ATG10: variants seen among roughly 807,000 people sequenced by gnomAD.
ATG10 encodes autophagy related 10.
A neutral mutation model predicts 32.1 loss-of-function variants in ATG10; 30 were observed. The ratio of observed to expected loss-of-function variants is 0.94; its 90% CI spans 0.70 to 1.27. The LOEUF is 1.27. Ranked by LOEUF, ATG10 falls within the 50% of genes most tolerant of loss-of-function variation. The probability of loss-of-function intolerance (pLI) is 0.00; values close to 1 mark genes in which losing one functional copy is unlikely to be tolerated. For synonymous variants in ATG10, 87 were observed against 91.5 expected, an observed-to-expected ratio of 0.95 and a Z score of 0.28; for missense variants, 233 against 262.3, an observed-to-expected ratio of 0.89 and a Z score of 0.77.
chr5:82,071,049 T>TC (rs1005449497), intron 3 of ATG10, among the ~76,000 whole-genome samples: 1 of 152,094 alleles, frequency 6.6e-6, no homozygotes, highest in Non-Finnish European at 1.5e-5. Flanking sequence ...TATTTTTTAT[T>TC]CCCCCCTTTC....
intron 2 of ATG10, among the ~76,000 whole-genome samples, chr5:81,998,010 C>A (rs748363698): frequency 3.3e-5 from 5 of 152,132 alleles, no homozygotes; most frequent in Non-Finnish European, 5.9e-5. Flanking sequence ...GCTGGAGAGA[C>A]CAACACTGTA....
At chr5:82,067,809 G>A (rs903120075) in intron 3 of ATG10, among the ~76,000 whole-genome samples, 13 of 152,210 alleles carry the variant, frequency 8.5e-5, no homozygotes, top group Non-Finnish European at 1.5e-4. Context: ...GTAAAGATAC[G>A]TGCCACAGCC....
At chr5:82,140,143 G>A (rs1767024962) in intron 3 of ATG10, among the ~76,000 whole-genome samples, 1 of 114,088 alleles carries the variant, frequency 8.8e-6, no homozygotes, top group African/African-American at 3.4e-5. Flanking sequence ...CCCCTTCTGG[G>A]AAGTGAGGAG....
chr5:82,044,880 A>T (rs1435847321), intron 2 of ATG10, among the ~76,000 whole-genome samples: 1 of 152,088 alleles, frequency 6.6e-6, no homozygotes, highest in African/African-American at 2.4e-5. Flanking sequence ...TTAGTGAAAG[A>T]CTCACAAAAG....
chr5:82,170,639 T>A (rs1561338057), intron 4 of ATG10, among the ~76,000 whole-genome samples: 1 of 152,072 alleles, frequency 6.6e-6, no homozygotes, highest in Non-Finnish European at 1.5e-5. Context: ...CAGAATACTT[T>A]GGATAGGATT....
chr5:82,249,724 C>G (rs1371705502), intron 5 of ATG10, among the ~76,000 whole-genome samples: 2 of 152,158 alleles, frequency 1.3e-5, no homozygotes, highest in Non-Finnish European at 2.9e-5. Context: ...AACCATAGAG[C>G]TCATGCATGT....
intron 3 of ATG10, among the ~76,000 whole-genome samples, chr5:82,116,989 C>T (rs949281369): frequency 2.6e-5 from 4 of 152,198 alleles, no homozygotes; most frequent in Middle Eastern, 6.8e-3. Context: ...AACAGGCTCC[C>T]AAAGTCAATT....
intron 3 of ATG10, among the ~76,000 whole-genome samples, chr5:82,155,875 C>G (rs1439528423): frequency 1.3e-5 from 2 of 151,976 alleles, no homozygotes; most frequent in East Asian, 3.9e-4. Flanking sequence ...TTTGGCACTC[C>G]AAATTCCATT....
chr5:82,049,266 G>T, intron 2 of ATG10, among the ~76,000 whole-genome samples: 1 of 151,876 alleles, frequency 6.6e-6, no homozygotes, highest in Admixed American at 6.6e-5. Flanking sequence ...GATGAAATTG[G>T]AAATCATCAT....
intron 2 of ATG10, among the ~76,000 whole-genome samples, chr5:82,030,582 C>T (rs925601683): frequency 6.6e-6 from 1 of 152,162 alleles, no homozygotes; most frequent in African/African-American, 2.4e-5. Context: ...CTGATTCTGT[C>T]TTTCCTCATA....
intron 5 of ATG10, among the ~76,000 whole-genome samples, chr5:82,185,899 C>T (rs1038617905): frequency 3.9e-5 from 6 of 152,312 alleles, no homozygotes; most frequent in South Asian, 4.1e-4. Context: ...TTTTACACAA[C>T]ATCCGATAAC....
chr5:82,141,284 C>G (rs570666311), intron 3 of ATG10, among the ~76,000 whole-genome samples: 5 of 151,432 alleles, frequency 3.3e-5, no homozygotes, highest in African/African-American at 1.2e-4. Context: ...TAACTTGTTA[C>G]TTGAATTTTT....
At chr5:82,161,367 G>T (rs1362451713) in intron 3 of ATG10, among the ~76,000 whole-genome samples, 1 of 152,030 alleles carries the variant, frequency 6.6e-6, no homozygotes, top group Non-Finnish European at 1.5e-5. Context: ...CTTCTAACAG[G>T]ATTTTCAAGA....
intron 2 of ATG10, among the ~76,000 whole-genome samples, chr5:82,029,181 C>G (rs1366222584): frequency 6.6e-6 from 1 of 152,014 alleles, no homozygotes; most frequent in East Asian, 1.9e-4. Context: ...TTGAATTATC[C>G]AAATTCTGGT....
At chr5:82,139,782 C>G (rs1223434400) in intron 3 of ATG10, among the ~76,000 whole-genome samples, 2 of 136,758 alleles carry the variant, frequency 1.5e-5, no homozygotes, top group Admixed American at 1.4e-4. Flanking sequence ...CCCGGCCGCC[C>G]CTACTGGGAA....
At chr5:82,130,434 A>T (rs1766473450) in intron 3 of ATG10, among the ~76,000 whole-genome samples, 1 of 151,854 alleles carries the variant, frequency 6.6e-6, no homozygotes, top group Admixed American at 6.6e-5. Context: ...TGCCCAAATG[A>T]CTGCCCAGTT....
intron 2 of ATG10, among the ~76,000 whole-genome samples, chr5:81,988,828 TTTTTTTGTTTTG>T (rs1761367293): frequency 6.6e-6 from 1 of 152,148 alleles, no homozygotes; most frequent in Admixed American, 6.5e-5. Flanking sequence ...TCAAAAACTG[TTTTTTTGTTTTG>T]TTTTGTTTTG....
At chr5:82,203,353 T>A (rs1266072488) in intron 5 of ATG10, among the ~76,000 whole-genome samples, 1 of 152,104 alleles carries the variant, frequency 6.6e-6, no homozygotes, top group African/African-American at 2.4e-5. Context: ...AGCCATTGGG[T>A]CAAAGCCAGG....
intron 2 of ATG10, among the ~76,000 whole-genome samples, chr5:82,010,768 C>T (rs1242411543): frequency 6.6e-6 from 1 of 152,052 alleles, no homozygotes; most frequent in Admixed American, 6.6e-5. Flanking sequence ...GTTTCTTTTC[C>T]AATATTTATG....
Sources: allele counts gnomAD v4.1 joint callset (sites outside exome capture counted in the v4.1 genomes callset), GRCh38; gene constraint gnomAD v4.1.1; transcripts MANE v1.5; gene names NCBI Gene and HGNC (gene_info 2026-07-23, HGNC 2026-07-21).